MRTFA: variants seen among roughly 807,000 people sequenced by gnomAD.
The protein encoded by MRTFA is myocardin-related transcription factor A.
MRTFA carries 20 observed loss-of-function variants against 83.5 expected under a neutral mutation model. The ratio of observed to expected loss-of-function variants is 0.24; its 90% CI spans 0.17 to 0.35. MRTFA has a LOEUF of 0.35. MRTFA is among the 10% of genes least tolerant of loss of function. The probability of loss-of-function intolerance (pLI) is 1.00; values close to 1 mark genes in which losing one functional copy is unlikely to be tolerated. For missense variants in MRTFA, 1,200 were observed against 1,224.7 expected (o/e 0.98, Z 0.30); for synonymous variants, 659 against 541.2 (o/e 1.22, Z -3.02).
intron 4 of MRTFA, among the ~76,000 whole-genome samples, chr22:40,451,263 A>G (rs1432075244): frequency 6.6e-6 from 1 of 152,222 alleles, no homozygotes; most frequent in Non-Finnish European, 1.5e-5. Context: ...AGAGTTGTCA[A>G]CAGTTCGAGA....
At chr22:40,496,083 T>TTAA (rs3044529) in intron 3 of MRTFA, among the ~76,000 whole-genome samples, 186 of 150,290 alleles carry the variant, frequency 1.2e-3, no homozygotes, top group East Asian at 4.1e-3. Context: ...AAAAAATAAA[T>TTAA]TAATAATAAT....
At position 40,420,482 on chromosome 22, in the gene MRTFA, A is replaced by G; in HGVS notation, c.1276T>C (p.Cys426Arg). Residue 426 changes from cysteine (C) to arginine (R), a missense_variant, in exon 11 of 15, where the codon TGT (cysteine) becomes CGT (arginine). Physicochemically the swap from Cys to Arg is radical, Grantham distance 180 (BLOSUM62 -3). Coordinates refer to ENST00000355630, the MANE Select transcript of MRTFA (RefSeq NM_020831.6). Reference sequence around the variant, plus strand: ...GTGCTGTTCTGACGTGCCAGCCCACAGGGCCCAGGGGCGCCCGAGCTGGAG... The same window carrying G: ...GTGCTGTTCTGACGTGCCAGCCCACGGGGCCCAGGGGCGCCCGAGCTGGAG... The G allele has an allele frequency of 6.2e-7, 1 of 1,613,794 alleles. No individual in the cohort carries two copies.
chr22:40,627,205 G>A (rs1040762487), intron 1 of MRTFA, among the ~76,000 whole-genome samples: 4 of 152,042 alleles, frequency 2.6e-5, no homozygotes, highest in Non-Finnish European at 5.9e-5. Context: ...GGAGTGCAGT[G>A]GCACAAACAC....
intron 5 of MRTFA, among the ~76,000 whole-genome samples, chr22:40,434,576 C>T (rs999172964): frequency 1.3e-5 from 2 of 151,746 alleles, no homozygotes; most frequent in East Asian, 3.9e-4. Flanking sequence ...ACAAAAATTA[C>T]CCAGGCGTGG....
chr22:40,416,289 C>T lies in MRTFA; in HGVS notation c.2578+697G>A, dbSNP rs957799453. On this transcript the variant is annotated intron_variant, in intron 14 of 14. Coordinates refer to ENST00000355630, the MANE Select transcript of MRTFA (RefSeq NM_020831.6). This position sits in a 1 kb window ranked among gnomAD's most constrained non-coding sequence, Gnocchi z 4.2. ...GGCTGATTCCAGCCGCTCCTCTGCCCGCCACTGCTGCCTGCTGGGCCAAAG... is the reference window on the plus strand; with the variant it reads ...GGCTGATTCCAGCCGCTCCTCTGCCTGCCACTGCTGCCTGCTGGGCCAAAG... Among the ~76,000 whole-genome samples the T allele has an allele frequency of 1.3e-5, 2 of 152,230 alleles. No individual in the cohort carries two copies. The highest frequency in any genetic ancestry group is 2.9e-5 in the Non-Finnish European group (2 of 68,030).
At chr22:40,570,118 C>T (rs1354655846) in intron 2 of MRTFA, among the ~76,000 whole-genome samples, 1 of 152,134 alleles carries the variant, frequency 6.6e-6, no homozygotes, top group Non-Finnish European at 1.5e-5. Flanking sequence ...TATCCTCTCT[C>T]ACTCCTTCTT....
chr22:40,603,862 C>T (rs1221868594), intron 1 of MRTFA, among the ~76,000 whole-genome samples: 1 of 151,458 alleles, frequency 6.6e-6, no homozygotes, highest in East Asian at 1.9e-4. Context: ...ATCCTCCCAC[C>T]TTGGCCTTCC....
At chr22:40,457,486 G>GAAAGAAAGAAAGA (rs750318222) in intron 4 of MRTFA, among the ~76,000 whole-genome samples, 68 of 127,828 alleles carry the variant, frequency 5.3e-4, no homozygotes, top group Admixed American at 9.3e-4. Flanking sequence ...AAGAAAGAAA[G>GAAAGAAAGAAAGA]AAGGAAAGAA....
rs1217533941 is a variant in MRTFA, at chr22:40,419,249, T to C, written c.1489A>G (p.Thr497Ala). The change falls in exon 12 of 15, where the codon ACC becomes GCC. Residue 497 changes from threonine (T) to alanine (A), a missense_variant. By Grantham distance (58) the Thr-to-Ala change is moderately conservative (BLOSUM62 0). Coordinates refer to ENST00000355630, the MANE Select transcript of MRTFA (RefSeq NM_020831.6). The stretch of plus-strand genomic sequence containing the variant: ...TCGCCAGCCTTGTGCAGGATAGAGG[T>C]GGCGGCAGGGGCCTTGGGGGCTCCT... 1.7e-5 allele frequency: 28 copies of C among 1,611,048 alleles called. No individual in the cohort carries two copies. The highest frequency in any genetic ancestry group is 2.4e-5 in the Non-Finnish European group (28 of 1,178,824).
At chr22:40,438,284 T>C (rs577212690) in intron 4 of MRTFA, among the ~76,000 whole-genome samples, 6 of 152,314 alleles carry the variant, frequency 3.9e-5, no homozygotes, top group African/African-American at 1.4e-4. Flanking sequence ...TGTCGATATA[T>C]TCAGGTGTTG....
chr22:40,502,221 A>C (rs2054500587), intron 3 of MRTFA, among the ~76,000 whole-genome samples: 2 of 139,204 alleles, frequency 1.4e-5, no homozygotes. Context: ...CTCACTTCCC[A>C]GATGGGGTGG....
chr22:40,440,842 G>A (rs745431422), intron 4 of MRTFA, among the ~76,000 whole-genome samples: 12 of 152,170 alleles, frequency 7.9e-5, no homozygotes, highest in Non-Finnish European at 1.5e-4. Flanking sequence ...GGTAAGACAC[G>A]AGGAAGCAGA....
chr22:40,568,744 A>T (rs2055741768), intron 2 of MRTFA, among the ~76,000 whole-genome samples: 2 of 152,264 alleles, frequency 1.3e-5, no homozygotes, highest in South Asian at 4.1e-4. Context: ...TTACAACTAC[A>T]TCTAAGTGCA....
Position 40,420,848 on chromosome 22 carries a change from T to C in MRTFA, c.1180A>G (p.Lys394Glu). 7 of 1,613,408 alleles carry C rather than the reference T, an allele frequency of 4.3e-6. No individual in the cohort carries two copies. The highest frequency in any genetic ancestry group is 5.9e-6 in the Non-Finnish European group (7 of 1,179,882). Residue 394 changes from lysine (K) to glutamate (E), a missense_variant and splice_region_variant, in exon 10 of 15, where the codon AAG becomes GAG. Physicochemically the swap from Lys to Glu is moderately conservative, Grantham distance 56 (BLOSUM62 1). This residue lies in a region of MRTFA where 1,107 missense variants were observed against 1,041.8 expected (regional missense o/e 1.06). Coordinates refer to ENST00000355630, the MANE Select transcript of MRTFA (RefSeq NM_020831.6). The stretch of plus-strand genomic sequence containing the variant: ...AGGCAGTGAGGAGCGGGTGCCTACT[T>C]TGGCGGGGCAGGCAGGATGGCCTGG...
At chr22:40,487,549 A>G (rs1329238438) in intron 3 of MRTFA, among the ~76,000 whole-genome samples, 1 of 152,192 alleles carries the variant, frequency 6.6e-6, no homozygotes, top group Non-Finnish European at 1.5e-5. Context: ...TACCACAAAA[A>G]GGCTTCTGCC....
At chr22:40,569,022 T>C (rs2055745800) in intron 2 of MRTFA, among the ~76,000 whole-genome samples, 1 of 152,064 alleles carries the variant, frequency 6.6e-6, no homozygotes, top group Non-Finnish European at 1.5e-5. Context: ...AACTCAGATG[T>C]CGCATATAAC....
At chr22:40,588,532 G>A (rs539763344) in intron 2 of MRTFA, among the ~76,000 whole-genome samples, 22 of 152,182 alleles carry the variant, frequency 1.4e-4, no homozygotes, top group Non-Finnish European at 2.2e-4. Context: ...TGGATATATG[G>A]TACCTTCCCC....
chr22:40,471,974 T>C (rs533503563), intron 3 of MRTFA, among the ~76,000 whole-genome samples: 6 of 152,364 alleles, frequency 3.9e-5, no homozygotes, highest in Admixed American at 3.9e-4. Context: ...GCTGGTATTA[T>C]TCTCTGATTC....
At chr22:40,498,247 C>T (rs1029607644) in intron 3 of MRTFA, among the ~76,000 whole-genome samples, 17 of 128,128 alleles carry the variant, frequency 1.3e-4, no homozygotes, top group African/African-American at 4.6e-4. Context: ...TAACGGTACA[C>T]ACTTCATATA....
Sources: gnomAD v4.1 joint callset for allele counts (sites outside exome capture counted in the v4.1 genomes callset) on GRCh38, gnomAD v4.1.1 for gene constraint, gnomAD v4.1.1 regional missense constraint, Gnocchi (gnomAD v3.1) non-coding constraint, MANE v1.5 for transcripts, NCBI Gene and HGNC (gene_info 2026-07-23, HGNC 2026-07-21) for gene names.